IGSF11: variants seen among roughly 807,000 people sequenced by gnomAD.
IGSF11 encodes CXADR like 1.
Under a neutral mutation model 41.0 loss-of-function variants are expected in IGSF11, and 22 were observed. The observed-to-expected ratio is 0.54, with a 90% CI of 0.38 to 0.77. The LOEUF is 0.77. Among genes scored for constraint, IGSF11 ranks in the 30% least tolerant of loss-of-function variants. The pLI is 0.00. For missense variants in IGSF11, 444 were observed against 530.8 expected (o/e 0.84, Z 1.61); for synonymous variants, 219 against 201.3 (o/e 1.09, Z -0.74).
In IGSF11 at chr3:119,060,981, G is replaced by T. The variant is rs959091221; in HGVS notation, c.49+44163C>A. On this transcript the variant is annotated intron_variant, in intron 1 of 6. Transcript: ENST00000354673. ...GACTAAGTAAATAATGCCTGGATTT[G>T]AAATGTTTTTAATAATAAAATCAGG... 3.9e-5 allele frequency among the ~76,000 whole-genome samples: 6 copies of T among 152,174 alleles called. 1 individual carries two copies. The highest frequency in any genetic ancestry group is 3.9e-4 in the East Asian group (2 of 5,184).
At chr3:119,103,289 G>T (rs1210042792) in intron 1 of IGSF11, among the ~76,000 whole-genome samples, 3 of 152,052 alleles carry the variant, frequency 2.0e-5, no homozygotes, top group African/African-American at 7.2e-5. Context: ...GAGCCGCCGC[G>T]CCCGGCCCAA....
intron 1 of IGSF11, among the ~76,000 whole-genome samples, chr3:118,970,922 T>C (rs553569211): frequency 3.3e-5 from 5 of 152,090 alleles, no homozygotes; most frequent in Middle Eastern, 3.4e-3. Flanking sequence ...CCAAAAATAG[T>C]GTGTGGTGTC....
rs114660863 is a variant in IGSF11, at chr3:119,114,498, C to T, written c.-13-9293G>A. 1.9e-3 allele frequency among the ~76,000 whole-genome samples: 285 copies of T among 152,316 alleles called. 2 individuals carry two copies. Among genetic ancestry groups the T allele is most frequent in the African/African-American group, 6.3e-3 (260 of 41,568 alleles). On this transcript the variant is annotated intron_variant, in intron 1 of 7. Coordinates refer to the IGSF11 transcript ENST00000425327. ...GATCCCTAGGGCAGAGGCACAATGC[C>T]TCCAACCTCTTTGATAACACATAAC...
intron 1 of IGSF11, among the ~76,000 whole-genome samples, chr3:119,060,279 A>G (rs770863716): frequency 1.3e-5 from 2 of 152,208 alleles, no homozygotes; most frequent in Non-Finnish European, 2.9e-5. Flanking sequence ...TTATACTTCA[A>G]AAGAGGTGAG....
intron 4 of IGSF11, among the ~76,000 whole-genome samples, chr3:118,917,130 C>A (rs1262551371): frequency 6.6e-6 from 1 of 151,174 alleles, no homozygotes; most frequent in African/African-American, 2.4e-5. Context: ...AAATTTATAG[C>A]ACTAAATGCC....
intron 1 of IGSF11, among the ~76,000 whole-genome samples, chr3:119,136,119 G>A (rs4638962): frequency 1.3e-5 from 2 of 152,042 alleles, no homozygotes; most frequent in African/African-American, 4.8e-5. Flanking sequence ...TGTAAATGAC[G>A]AGTTGATGGG....
At chr3:118,995,167 T>C (rs1395217823) in intron 1 of IGSF11, among the ~76,000 whole-genome samples, 1 of 152,168 alleles carries the variant, frequency 6.6e-6, no homozygotes, top group East Asian at 1.9e-4. Context: ...ATTTTAGAAA[T>C]ATCACCCTAG....
chr3:118,979,541 AAAGATTT>A (rs1934490000), intron 1 of IGSF11, among the ~76,000 whole-genome samples: 2 of 152,236 alleles, frequency 1.3e-5, no homozygotes, highest in African/African-American at 4.8e-5. Flanking sequence ...AAGATGGATT[AAAGATTT>A]AAAAGTAAAA....
At chr3:119,108,843 T>C (rs2077086036), upstream of IGSF11, among the ~76,000 whole-genome samples, 1 of 143,678 alleles carries the variant, frequency 7.0e-6, no homozygotes, top group Non-Finnish European at 1.6e-5. Flanking sequence ...TCTATTGAGA[T>C]ACTCATGTGG....
At chr3:118,996,776 T>C (rs374394710) in intron 1 of IGSF11, among the ~76,000 whole-genome samples, 1 of 152,096 alleles carries the variant, frequency 6.6e-6, no homozygotes, top group African/African-American at 2.4e-5. Context: ...ATTTTTTGTA[T>C]TTTTAGTAGA....
upstream of IGSF11, among the ~76,000 whole-genome samples, chr3:119,108,834 C>A (rs1229342575): frequency 1.6e-4 from 23 of 143,746 alleles, 1 homozygote; most frequent in East Asian, 4.7e-3. Context: ...TTTTCTGCAT[C>A]TATTGAGATA....
intron 1 of IGSF11, among the ~76,000 whole-genome samples, chr3:119,000,460 C>T (rs906674785): frequency 2.6e-5 from 4 of 151,518 alleles, no homozygotes; most frequent in East Asian, 1.9e-4. Flanking sequence ...TCTATTCTAT[C>T]GTATTTAATG....
rs377746200 is a variant in IGSF11, at chr3:119,097,957, A to ATTTTTTTTTTTTTTTTTTTTTTTTT, written c.49+7162_49+7186dup. ...AGGCACATGCCACCACATTCAGCTA[A>ATTTTTTTTTTTTTTTTTTTTTTTTT]TTTTTTTTTTTTTTTTTTTTTTTTT... On this transcript the variant is annotated intron_variant, in intron 1 of 6. Coordinates refer to the IGSF11 transcript ENST00000354673. Among the ~76,000 whole-genome samples, 3 of 58,360 alleles carry ATTTTTTTTTTTTTTTTTTTTTTTTT rather than the reference A, an allele frequency of 5.1e-5. 1 individual carries two copies. The highest frequency in any genetic ancestry group is 6.8e-5 in the Non-Finnish European group (2 of 29,266). 38.3% of individuals were successfully genotyped at this position (58,360 alleles called of 152,430 possible).
intron 1 of IGSF11, among the ~76,000 whole-genome samples, chr3:118,958,516 T>C (rs1480486200): frequency 6.6e-6 from 1 of 152,142 alleles, no homozygotes; most frequent in Non-Finnish European, 1.5e-5. Flanking sequence ...CAACTTTCCC[T>C]AGTCAGTGGA....
intron 1 of IGSF11, among the ~76,000 whole-genome samples, chr3:119,018,091 A>G (rs1329938502): frequency 6.6e-6 from 1 of 152,188 alleles, no homozygotes; most frequent in African/African-American, 2.4e-5. Context: ...AGGATTTTTA[A>G]TAATTCCCCT....
intron 5 of IGSF11, 73 bp downstream of exon 5, chr3:118,905,523 C>G: frequency 6.6e-7 from 1 of 1,522,182 alleles, no homozygotes; most frequent in Non-Finnish European, 9.1e-7. Flanking sequence ...CAGCAGAACC[C>G]TTCATTTTCT....
At chr3:118,926,058 T>C in intron 4 of IGSF11, 43 bp downstream of exon 4, 1 of 1,367,366 alleles carries the variant, frequency 7.3e-7, no homozygotes, top group Non-Finnish European at 9.8e-7. Context: ...ATTAGAATTG[T>C]CCATGATAAC....
chr3:119,113,067 A>C (rs1207115135), intron 1 of IGSF11, among the ~76,000 whole-genome samples: 1 of 152,176 alleles, frequency 6.6e-6, no homozygotes, highest in African/African-American at 2.4e-5. Context: ...TACCATGAGA[A>C]CAGCAAGAGA....
At chr3:119,133,380 A>T (rs1185772518) in intron 1 of IGSF11, among the ~76,000 whole-genome samples, 3 of 152,216 alleles carry the variant, frequency 2.0e-5, no homozygotes, top group Admixed American at 6.5e-5. Context: ...AAAAATGATA[A>T]AGGGGATATT....
Sources: allele counts gnomAD v4.1 joint callset (sites outside exome capture counted in the v4.1 genomes callset), GRCh38; gene constraint gnomAD v4.1.1; transcripts MANE v1.5; gene names NCBI Gene and HGNC (gene_info 2026-07-23, HGNC 2026-07-21).